The following RBPJ variants were observed in gnomAD, a reference collection of about 807,000 sequenced individuals.
RBPJ encodes recombination signal binding protein for immunoglobulin kappa J region.
A neutral mutation model predicts 67.8 loss-of-function variants in RBPJ; 9 were observed. The observed-to-expected ratio is 0.13, with a 90% CI of 0.08 to 0.23. RBPJ has a LOEUF of 0.23. RBPJ is among the 10% of genes least tolerant of loss of function. The pLI is 1.00. For synonymous variants in RBPJ, 198 were observed against 203.3 expected (o/e 0.97, Z 0.22); for missense variants, 305 against 595.6 (o/e 0.51, Z 5.08).
chr4:26,107,483 A>G, the RBPJ span, among the ~76,000 whole-genome samples: 1 of 152,378 alleles, frequency 6.6e-6, no homozygotes, highest in Non-Finnish European at 1.5e-5. Context: ...GACAACACAC[A>G]GCAGACTTCA....
the RBPJ span, among the ~76,000 whole-genome samples, chr4:26,117,702 G>A: frequency 1.3e-5 from 2 of 152,070 alleles, no homozygotes; most frequent in East Asian, 1.9e-4. Flanking sequence ...TTCCTTGTAC[G>A]TTTACTCATC....
intron 1 of RBPJ, among the ~76,000 whole-genome samples, chr4:26,233,957 C>G (rs1719371636): frequency 6.6e-6 from 1 of 152,074 alleles, no homozygotes; most frequent in Non-Finnish European, 1.5e-5. Flanking sequence ...AATGTCAGAG[C>G]TCATTGTACA....
At chr4:26,226,398 C>A (rs2109198158) in intron 1 of RBPJ, among the ~76,000 whole-genome samples, 1 of 152,182 alleles carries the variant, frequency 6.6e-6, no homozygotes, top group South Asian at 2.1e-4. Flanking sequence ...TTGCTTGAGC[C>A]CAGGATTTCA....
At chr4:26,241,371 G>T (rs1042779694) in intron 1 of RBPJ, among the ~76,000 whole-genome samples, 4 of 152,154 alleles carry the variant, frequency 2.6e-5, no homozygotes, top group African/African-American at 9.7e-5. Flanking sequence ...TTGATGAACT[G>T]ACTTGGAATC....
At chr4:26,246,087 A>G (rs1577354632) in intron 1 of RBPJ, among the ~76,000 whole-genome samples, 1 of 152,280 alleles carries the variant, frequency 6.6e-6, no homozygotes, top group South Asian at 2.1e-4. Context: ...CTGCTTTTCA[A>G]TTTCTGCAAA....
At position 26,430,621 on chromosome 4, in the gene RBPJ, T is replaced by A; in HGVS notation, c.1149-71T>A. ...GATTGTAATGTATTAAACAACCTTG[T>A]GTTAAGTCTCATTTTTAACATGTAC... On this transcript the variant is annotated intron_variant, in intron 10 of 10. Transcript: ENST00000355476. The surrounding 1 kb of genome is among the most constrained non-coding windows in gnomAD (Gnocchi z 4.1). 6.4e-7 allele frequency: 1 copy of A among 1,554,950 alleles called. No homozygotes were observed. Among genetic ancestry groups the A allele is most frequent in the East Asian group, 2.2e-5 (1 of 44,510 alleles).
intron 1 of RBPJ, among the ~76,000 whole-genome samples, chr4:26,371,270 T>G (rs1253344933): frequency 2.0e-5 from 3 of 152,188 alleles, no homozygotes; most frequent in African/African-American, 2.4e-5. Flanking sequence ...TCTTTTTGTT[T>G]TGGTTGCATG....
At chr4:26,159,174 A>G (rs1374149011), upstream of RBPJ, among the ~76,000 whole-genome samples, 2 of 152,194 alleles carry the variant, frequency 1.3e-5, no homozygotes, top group Admixed American at 6.5e-5. Flanking sequence ...GGAGATACTC[A>G]TATGCTAGAC....
intron 1 of RBPJ, among the ~76,000 whole-genome samples, chr4:26,170,541 C>CT (rs1269361389): frequency 2.4e-5 from 2 of 83,766 alleles, no homozygotes; most frequent in South Asian, 3.4e-4. Flanking sequence ...AAGGCCCTGT[C>CT]TAAAAAAAAA....
chr4:26,320,848 C>T, upstream of RBPJ: 2 of 1,568,148 alleles, frequency 1.3e-6, no homozygotes, highest in Non-Finnish European at 1.7e-6. Context: ...GAGCAGGATC[C>T]CCTACTCTGC....
Position 26,430,891 on chromosome 4 carries a change from G to A in RBPJ, c.1348G>A (p.Ala450Thr), listed in dbSNP as rs1309738187. Residue 450 changes from alanine (A) to threonine (T), a missense_variant, in exon 11 of 11, where the codon GCC (alanine) becomes ACC (threonine). Physicochemically the swap from Ala to Thr is moderately conservative, Grantham distance 58 (BLOSUM62 0). Transcript: ENST00000355476. The surrounding 1 kb of genome is among the most constrained non-coding windows in gnomAD (Gnocchi z 4.1). The part of the protein sequence containing the change: ...HCSAAGAILR[A>T]NSSQVPPNES... ...CAGTGCAGCAGGAGCAATCCTTCGAGCCAATTCAAGCCAGGTGCCCCCTAA... is the reference window on the plus strand; with the variant it reads ...CAGTGCAGCAGGAGCAATCCTTCGAACCAATTCAAGCCAGGTGCCCCCTAA... The A allele has an allele frequency of 6.2e-7, 1 of 1,613,872 alleles. No individual in the cohort carries two copies. Among genetic ancestry groups the A allele is most frequent in the African/African-American group, 1.3e-5 (1 of 74,848 alleles).
intron 1 of RBPJ, among the ~76,000 whole-genome samples, chr4:26,309,121 G>A (rs1722343930): frequency 6.6e-6 from 1 of 151,200 alleles, no homozygotes; most frequent in Non-Finnish European, 1.5e-5. Context: ...TGCAGCCTTG[G>A]CCTCCTGGGC....
intron 7 of RBPJ, among the ~76,000 whole-genome samples, chr4:26,427,144 G>C (rs1735758968): frequency 6.6e-6 from 1 of 152,162 alleles, no homozygotes; most frequent in South Asian, 2.1e-4. Flanking sequence ...TATTAAGGTG[G>C]TGAGGGGTGA....
chr4:26,246,973 C>CTTTTTTTT lies in RBPJ; in HGVS notation c.-167+83371_-167+83378dup, dbSNP rs56160527. ...TCTATTATCTATGGAACATAATACG[C>CTTTTTTTT]TTTTTTTTTTTTTTTTTTTGAGACA... On this transcript the variant is annotated intron_variant, in intron 1 of 4. Coordinates refer to the RBPJ transcript ENST00000512351. Among the ~76,000 whole-genome samples, 4 of 121,934 alleles carry CTTTTTTTT rather than the reference C, an allele frequency of 3.3e-5. 1 individual carries two copies. The highest frequency in any genetic ancestry group is 3.4e-5 in the Non-Finnish European group (2 of 59,158). The allele number at this position is 121,934 out of a possible 152,430, so 80.0% of individuals were successfully genotyped here. A position where few individuals can be genotyped will look rare whatever the true frequency, so the allele number is the denominator to read the frequency against.
intron 1 of RBPJ, among the ~76,000 whole-genome samples, chr4:26,294,502 C>T (rs1231738409): frequency 5.9e-5 from 9 of 152,000 alleles, no homozygotes; most frequent in Non-Finnish European, 2.9e-5. Flanking sequence ...GAGTAGAGGT[C>T]GGGAGAAGCA....
chr4:26,244,499 GTA>G (rs1459331578), intron 1 of RBPJ, among the ~76,000 whole-genome samples: 1 of 146,492 alleles, frequency 6.8e-6, no homozygotes, highest in Non-Finnish European at 1.5e-5. Context: ...ATATATGTGT[GTA>G]TATATGTATA....
chr4:26,198,989 T>C (rs778169884), intron 1 of RBPJ, among the ~76,000 whole-genome samples: 4 of 152,106 alleles, frequency 2.6e-5, no homozygotes, highest in Middle Eastern at 3.4e-3. Context: ...AGTACATTCA[T>C]TTACATTGCG....
At chr4:26,266,256 A>G (rs977239624) in intron 1 of RBPJ, among the ~76,000 whole-genome samples, 1 of 152,164 alleles carries the variant, frequency 6.6e-6, no homozygotes, top group Non-Finnish European at 1.5e-5. Context: ...GAGAAAAAAA[A>G]TATTTTCCTC....
the RBPJ span, chr4:26,112,855 T>A: frequency 6.7e-6 from 1 of 149,020 alleles, no homozygotes; most frequent in Non-Finnish European, 1.5e-5. Flanking sequence ...ACCTCTCAGG[T>A]TCAAGCGATT....
Sources: gnomAD v4.1 joint callset for allele counts (sites outside exome capture counted in the v4.1 genomes callset) on GRCh38, gnomAD v4.1.1 for gene constraint, Gnocchi (gnomAD v3.1) non-coding constraint, MANE v1.5 for transcripts, NCBI Gene and HGNC (gene_info 2026-07-23, HGNC 2026-07-21) for gene names.